The following ZNF608 variants were observed in gnomAD, a reference collection of about 807,000 sequenced individuals.
ZNF608 encodes renal carcinoma antigen NY-REN-36.
Under a neutral mutation model 109.0 loss-of-function variants are expected in ZNF608, and 12 were observed. The ratio of observed to expected loss-of-function variants is 0.11; its 90% CI spans 0.07 to 0.18. The LOEUF (loss-of-function observed/expected upper bound fraction) is 0.18. ZNF608 is among the 10% of genes least tolerant of loss of function. The pLI is 1.00. For missense variants in ZNF608, 1,707 were observed against 1,879.3 expected, an observed-to-expected ratio of 0.91 and a Z score of 1.70; for synonymous variants, 732 against 717.4, an observed-to-expected ratio of 1.02 and a Z score of -0.33.
intron 2 of ZNF608, 145 bp downstream of exon 2, chr5:124,743,938 AT>A: frequency 8.1e-7 from 1 of 1,234,472 alleles, no homozygotes; most frequent in Admixed American, 2.7e-5. Flanking sequence ...CCCATATCAA[AT>A]TTTAATATAA....
chr5:124,733,624 T>C (rs1206265664), intron 2 of ZNF608, among the ~76,000 whole-genome samples: 3 of 152,196 alleles, frequency 2.0e-5, no homozygotes, highest in Non-Finnish European at 2.9e-5. Context: ...GCTACCACAA[T>C]CATTGCTATT....
Position 124,744,419 on chromosome 5 carries a change from TCTC to T in ZNF608, c.568_570del (p.Glu190del). 1.2e-6 allele frequency: 2 copies of T among 1,614,260 alleles called. No homozygotes were observed. Among genetic ancestry groups the T allele is most frequent in the Admixed American group, 1.7e-5 (1 of 60,032 alleles). On this transcript the variant is annotated inframe_deletion, in exon 2 of 10. Coordinates refer to ENST00000513986, the MANE Select transcript of ZNF608 (RefSeq NM_020747.3). The surrounding 1 kb of genome is among the most constrained non-coding windows in gnomAD (Gnocchi z 4.5). ...CGGCTGCTCTGGCTTTTACCTGGCTTCTCCTCTTTGCTTTTCCCACAGGAGCCT... is the reference window on the plus strand; with the variant it reads ...CGGCTGCTCTGGCTTTTACCTGGCTTCTCTTTGCTTTTCCCACAGGAGCCT...
upstream of ZNF608, chr5:124,746,784 T>G: frequency 1.0e-6 from 1 of 982,218 alleles, no homozygotes. Flanking sequence ...TTTCTTGAAC[T>G]AACTTAAGAG....
chr5:124,732,818 C>T (rs576513487), intron 2 of ZNF608, among the ~76,000 whole-genome samples: 1 of 152,252 alleles, frequency 6.6e-6, no homozygotes, highest in South Asian at 2.1e-4. Context: ...GCTCCACCAC[C>T]ACCATTCCTC....
At chr5:124,734,903 A>G (rs575748444) in intron 2 of ZNF608, 15 of 152,352 alleles carry the variant, frequency 9.8e-5, no homozygotes, top group Non-Finnish European at 1.9e-4. Context: ...TAGAAATACT[A>G]CAAAATTTAT....
chr5:124,659,649 T>C (rs1480636606), intron 3 of ZNF608, among the ~76,000 whole-genome samples: 1 of 152,236 alleles, frequency 6.6e-6, no homozygotes, highest in Non-Finnish European at 1.5e-5. Flanking sequence ...CCACCTCTTG[T>C]AGATCAGTAG....
intron 2 of ZNF608, 64 bp from the exon 3 acceptor site, chr5:124,701,333 G>A (rs1753044706): frequency 1.9e-6 from 3 of 1,575,950 alleles, no homozygotes; most frequent in African/African-American, 2.7e-5. Flanking sequence ...AATGCAATTT[G>A]CTTATATCAC....
intron 2 of ZNF608, among the ~76,000 whole-genome samples, chr5:124,719,487 G>A (rs963500468): frequency 6.6e-6 from 1 of 152,178 alleles, no homozygotes; most frequent in African/African-American, 2.4e-5. Flanking sequence ...GTGTTTTCCT[G>A]TTACTTCATT....
At position 124,648,582 on chromosome 5, in the gene ZNF608, C is replaced by T. The variant is rs1291706530; in HGVS notation, c.1802G>A (p.Gly601Glu). The T allele has an allele frequency of 6.2e-7, 1 of 1,614,232 alleles. No individual in the cohort carries two copies. Among genetic ancestry groups the T allele is most frequent in the Non-Finnish European group, 8.5e-7 (1 of 1,180,046 alleles). The change falls in exon 5 of 10, where the codon GGA becomes GAA. Residue 601 changes from glycine to glutamate, a missense_variant. Coordinates refer to ENST00000513986, the MANE Select transcript of ZNF608 (RefSeq NM_020747.3). The part of the protein sequence containing the change: ...SEDKISDCEE[G>E]LSNVALECSE... ...GCATTCAAGTGCCACATTACTCAAT[C>T]CTTCCTCACAGTCCGAGATCTTGTC... is the stretch of plus-strand genomic sequence containing the variant.
At chr5:124,660,149 CAGA>C (rs1218079785) in intron 3 of ZNF608, among the ~76,000 whole-genome samples, 6 of 151,460 alleles carry the variant, frequency 4.0e-5, no homozygotes, top group African/African-American at 1.2e-4. Context: ...CAGCCGAAAA[CAGA>C]AGAACTGCCT....
rs1302395163 is a variant in ZNF608 at position 124,744,510 on chromosome 5, G to A, written c.480C>T (p.Gly160=). ...NSALGQSVSS[G]GSGNPNSNST... ...TATTGCTGTTTGGGTTGCCGCTGCCGCCGCTGCTCACACTTTGACCCAGCG... is the reference window on the plus strand; with the variant it reads ...TATTGCTGTTTGGGTTGCCGCTGCCACCGCTGCTCACACTTTGACCCAGCG... The change falls in exon 2 of 10, where the codon GGC becomes GGT. Residue 160 remains glycine (G), a synonymous_variant. Coordinates refer to ENST00000513986, the MANE Select transcript of ZNF608 (RefSeq NM_020747.3). This position sits in a 1 kb window ranked among gnomAD's most constrained non-coding sequence, Gnocchi z 4.5. 5 of 1,614,112 alleles carry A rather than the reference G, an allele frequency of 3.1e-6. No individual in the cohort carries two copies. The highest frequency in any genetic ancestry group is 4.2e-6 in the Non-Finnish European group (5 of 1,180,056).
chr5:124,707,026 GGAAAC>G (rs1283276953), intron 2 of ZNF608, among the ~76,000 whole-genome samples: 2 of 152,142 alleles, frequency 1.3e-5, no homozygotes, highest in African/African-American at 4.8e-5. Context: ...CAATCTGCAG[GGAAAC>G]CCTGGCAATA....
At chr5:124,732,564 A>G (rs1253193172) in intron 2 of ZNF608, among the ~76,000 whole-genome samples, 1 of 151,554 alleles carries the variant, frequency 6.6e-6, no homozygotes, top group Non-Finnish European at 1.5e-5. Context: ...AAAAAAAGAC[A>G]TACTGACATT....
chr5:124,645,817 C>T (rs1750471386), intron 5 of ZNF608, among the ~76,000 whole-genome samples: 1 of 151,974 alleles, frequency 6.6e-6, no homozygotes, highest in South Asian at 2.1e-4. Flanking sequence ...TTTTGGGGTA[C>T]TTAATATAGG....
chr5:124,726,988 T>C (rs1748638117), intron 2 of ZNF608, among the ~76,000 whole-genome samples: 1 of 152,252 alleles, frequency 6.6e-6, no homozygotes, highest in Admixed American at 6.5e-5. Context: ...GTATCTGCTC[T>C]TTCTCTCCCA....
At chr5:124,663,018 C>T (rs1336288706) in intron 3 of ZNF608, among the ~76,000 whole-genome samples, 1 of 152,134 alleles carries the variant, frequency 6.6e-6, no homozygotes, top group East Asian at 1.9e-4. Context: ...CAGGAAAATG[C>T]CTGATGGAAG....
intron 3 of ZNF608, among the ~76,000 whole-genome samples, chr5:124,652,737 G>A (rs1394185647): frequency 2.0e-5 from 3 of 152,208 alleles, no homozygotes; most frequent in African/African-American, 7.2e-5. Context: ...TCATTTTGCT[G>A]AAATCTCAAA....
chr5:124,712,559 C>A (rs1005876276), intron 2 of ZNF608, among the ~76,000 whole-genome samples: 7 of 152,014 alleles, frequency 4.6e-5, no homozygotes, highest in Non-Finnish European at 8.8e-5. Flanking sequence ...GACTGGCAAA[C>A]CTGGAAAGTG....
At chr5:124,660,593 G>T (rs1471435533) in intron 3 of ZNF608, among the ~76,000 whole-genome samples, 1 of 152,172 alleles carries the variant, frequency 6.6e-6, no homozygotes, top group East Asian at 1.9e-4. Flanking sequence ...CATGTCTCTG[G>T]AGACAGAGGC....
Sources: gnomAD v4.1 joint callset for allele counts (sites outside exome capture counted in the v4.1 genomes callset) on GRCh38, gnomAD v4.1.1 for gene constraint, Gnocchi (gnomAD v3.1) non-coding constraint, MANE v1.5 for transcripts, NCBI Gene and HGNC (gene_info 2026-07-23, HGNC 2026-07-21) for gene names.